Variants in FKBP9 observed in about 807,000 individuals in gnomAD.
The protein encoded by FKBP9 is FKBP prolyl isomerase 9.
FKBP9 carries 27 observed loss-of-function variants against 55.6 expected under a neutral mutation model. The observed-to-expected ratio is 0.49, with a 90% CI of 0.36 to 0.67. The LOEUF (loss-of-function observed/expected upper bound fraction) is 0.67, where lower values mean the gene tolerates loss of function less well. FKBP9 is among the 30% of genes least tolerant of loss of function. The probability of loss-of-function intolerance (pLI) is 0.00; values close to 1 mark genes in which losing one functional copy is unlikely to be tolerated. For synonymous variants in FKBP9, 267 were observed against 296.5 expected, an observed-to-expected ratio of 0.90 and a Z score of 1.02; for missense variants, 539 against 742.8, an observed-to-expected ratio of 0.73 and a Z score of 3.19.
chr7:32,988,550 T>C lies in FKBP9; in HGVS notation c.937T>C (p.Tyr313His). 6.2e-7 allele frequency: 1 copy of C among 1,613,922 alleles called. No individual in the cohort carries two copies. The highest frequency in any genetic ancestry group is 1.7e-4 in the Middle Eastern group (1 of 6,056). ...RTFDTYIGQGYVIPGMDEGLL... is the reference protein window; with the variant it reads ...RTFDTYIGQGHVIPGMDEGLL... ...GTTTGACACGTACATTGGGCAGGGC[T>C]ACGTGATTCCTGGGATGGATGAAGG... The change falls in exon 6 of 10, where the codon TAC (tyrosine) becomes CAC (histidine). Residue 313 changes from tyrosine (Y) to histidine (H), a missense_variant. Tyr to His is a moderately conservative substitution (Grantham distance 83). Transcript: ENST00000242209.
rs1471731988 is a variant in FKBP9, at chr7:32,957,525, T to G, written c.-49T>G. The G allele has an allele frequency of 7.5e-7, 1 of 1,329,274 alleles. No homozygotes were observed. Among genetic ancestry groups the G allele is most frequent in the East Asian group, 3.1e-5 (1 of 31,882 alleles). 82.3% of individuals were successfully genotyped at this position (1,329,274 alleles called of 1,614,324 possible). A position where few individuals can be genotyped will look rare whatever the true frequency, so the allele number is the denominator to read the frequency against. On this transcript the variant is annotated 5_prime_UTR_variant, in exon 1 of 10. Coordinates refer to ENST00000242209, the MANE Select transcript of FKBP9 (RefSeq NM_007270.5). The stretch of plus-strand genomic sequence containing the variant: ...GCAGCCGAACGCCCAGGCCGACCCG[T>G]GCCGCCCGAGCGCCGCGCTGCGTCC...
chr7:32,976,435 G>A lies in FKBP9; in HGVS notation c.639G>A (p.Met213Ile). 8 of 1,613,894 alleles carry A rather than the reference G, an allele frequency of 5.0e-6. No homozygotes were observed. The highest frequency in any genetic ancestry group is 6.8e-6 in the Non-Finnish European group (8 of 1,179,842). Reference protein sequence around the residue: ...IPGMDKGLLGMCVGEKRIITI... With the variant: ...IPGMDKGLLGICVGEKRIITI... ...GAATGGATAAAGGGCTGCTGGGGAT[G>A]TGTGTGGGTGAGAAGCGCATCATCA... is the stretch of plus-strand genomic sequence containing the variant. The change falls in exon 4 of 10, where the codon ATG becomes ATA. Residue 213 changes from methionine (M) to isoleucine (I), a missense_variant. Coordinates refer to ENST00000242209, the MANE Select transcript of FKBP9 (RefSeq NM_007270.5).
rs1373247617 is a variant in FKBP9, at chr7:33,006,722, T to A, written c.*1371T>A. ...ATTCCTGCATCATGGAATAACCACA[T>A]GGCTACCTTCTATCCTCTGTTCCCA... On this transcript the variant is annotated 3_prime_UTR_variant, in exon 10 of 10. Coordinates refer to ENST00000242209, the MANE Select transcript of FKBP9 (RefSeq NM_007270.5). 1 of 213,406 alleles carries A rather than the reference T, an allele frequency of 4.7e-6. No individual in the cohort carries two copies. The highest frequency in any genetic ancestry group is 6.9e-5 in the East Asian group (1 of 14,490). The allele number at this position is 213,406 out of a possible 1,614,324, so 13.2% of individuals were successfully genotyped here.
chr7:32,982,615 A>G (rs1013424471), intron 5 of FKBP9, among the ~76,000 whole-genome samples: 7 of 152,018 alleles, frequency 4.6e-5, no homozygotes, highest in Non-Finnish European at 7.4e-5. Context: ...CATTTAGTGC[A>G]TATGTGTATT....
chr7:32,976,330 T>C (rs768312933), intron 3 of FKBP9, 24 bp from the exon 4 acceptor site: 10 of 1,613,950 alleles, frequency 6.2e-6, no homozygotes, highest in Non-Finnish European at 8.5e-6. Flanking sequence ...TGTGGAACTT[T>C]TTCCCTTTCT....
chr7:32,957,664 G>A lies in FKBP9; in HGVS notation c.91G>A (p.Gly31Ser). ...GCAGGCAGCGCCCGTGGCGGGCCTG[G>A]GCTCCGACGCGGAGCTGCAGATCGA... ...TGQAAPVAGL[G>S]SDAELQIERR... The change falls in exon 1 of 10, where the codon GGC (glycine) becomes AGC (serine). Residue 31 changes from glycine to serine, a missense_variant. Around this residue, in one of 4 missense-constraint regions of FKBP9, gnomAD observed 236 missense variants for 271.5 expected, o/e 0.87. Transcript: ENST00000242209. 6.6e-7 allele frequency: 1 copy of A among 1,509,856 alleles called. No individual in the cohort carries two copies. The highest frequency in any genetic ancestry group is 1.2e-5 in the South Asian group (1 of 81,394). 93.5% of individuals were successfully genotyped at this position (1,509,856 alleles called of 1,614,324 possible).
chr7:32,976,009 G>A (rs948908773), intron 3 of FKBP9, among the ~76,000 whole-genome samples: 2 of 152,148 alleles, frequency 1.3e-5, no homozygotes, highest in African/African-American at 2.4e-5. Context: ...GTTTTCCCAT[G>A]GAAGCAAGAG....
At chr7:32,999,005 T>C (rs1055380126) in intron 7 of FKBP9, among the ~76,000 whole-genome samples, 6 of 152,210 alleles carry the variant, frequency 3.9e-5, no homozygotes, top group Admixed American at 6.5e-5. Flanking sequence ...CCTGGATGAC[T>C]GAGTTCTGGA....
At chr7:32,982,984 A>G (rs867747191) in intron 5 of FKBP9, among the ~76,000 whole-genome samples, 29 of 142,208 alleles carry the variant, frequency 2.0e-4, no homozygotes, top group African/African-American at 2.6e-4. Flanking sequence ...GTCAAAGGTT[A>G]TGTGTGTGTG....
At position 32,988,605 on chromosome 7, in the gene FKBP9, G is replaced by T. The variant is rs770278279; in HGVS notation, c.992G>T (p.Arg331Leu). The T allele has an allele frequency of 6.2e-7, 1 of 1,613,878 alleles. No homozygotes were observed. The highest frequency in any genetic ancestry group is 8.5e-7 in the Non-Finnish European group (1 of 1,179,884). ...CTTGGTGTTTGCATTGGAGAAAAGC[G>T]AAGGATTGTGGTCCCGCCTCACCTG... ...GLLGVCIGEK[R>L]RIVVPPHLGY... is the part of the protein sequence containing the mutation. Residue 331 changes from arginine (R) to leucine (L), a missense_variant, in exon 6 of 10, where the codon CGA (arginine) becomes CTA (leucine). Physicochemically the swap from Arg to Leu is moderately radical, Grantham distance 102. Coordinates refer to ENST00000242209, the MANE Select transcript of FKBP9 (RefSeq NM_007270.5).
intron 5 of FKBP9, among the ~76,000 whole-genome samples, chr7:32,986,452 C>T (rs993757410): frequency 6.6e-6 from 1 of 152,218 alleles, no homozygotes; most frequent in African/African-American, 2.4e-5. Flanking sequence ...AGGGTGAGCC[C>T]TGCTCTGGCT....
chr7:32,976,273 G>A (rs1396576797), intron 3 of FKBP9, 81 bp from the exon 4 acceptor site: 3 of 1,546,128 alleles, frequency 1.9e-6, no homozygotes, highest in Non-Finnish European at 2.7e-6. Flanking sequence ...GCTGATATTT[G>A]GGTAAGAAAA....
At chr7:32,978,481 C>A (rs1182643610) in intron 4 of FKBP9, among the ~76,000 whole-genome samples, 2 of 152,086 alleles carry the variant, frequency 1.3e-5, no homozygotes, top group Non-Finnish European at 2.9e-5. Flanking sequence ...CCTCAGCCTT[C>A]CGAATAGTTA....
At chr7:32,966,886 G>A (rs1467885323) in intron 1 of FKBP9, among the ~76,000 whole-genome samples, 8 of 152,132 alleles carry the variant, frequency 5.3e-5, no homozygotes, top group East Asian at 1.9e-4. Context: ...AGGGGATGGC[G>A]CTAAGCCCTC....
rs1052896506 is a variant in FKBP9 at position 33,006,116 on chromosome 7, G to A, written c.*765G>A. ...CTTTTTTTTTTTTTTTTTTTTTCTGGAGGCAGAGTCTCCCTTTGTCGCCAG... is the reference window on the plus strand; with the variant it reads ...CTTTTTTTTTTTTTTTTTTTTTCTGAAGGCAGAGTCTCCCTTTGTCGCCAG... On this transcript the variant is annotated 3_prime_UTR_variant, in exon 10 of 10. Coordinates refer to ENST00000242209, the MANE Select transcript of FKBP9 (RefSeq NM_007270.5). 2.5e-5 allele frequency: 4 copies of A among 157,934 alleles called. No individual in the cohort carries two copies. Among genetic ancestry groups the A allele is most frequent in the Non-Finnish European group, 4.8e-5 (4 of 84,204 alleles). The allele number at this position is 157,934 out of a possible 1,614,324, so 9.8% of individuals were successfully genotyped here. A position where few individuals can be genotyped will look rare whatever the true frequency, so the allele number is the denominator to read the frequency against.
intron 9 of FKBP9, 37 bp downstream of exon 9, chr7:33,002,876 G>C: frequency 6.2e-7 from 1 of 1,600,434 alleles, no homozygotes; most frequent in Non-Finnish European, 8.5e-7. Context: ...TGGGACCGAA[G>C]AGCTCAGGGA....
chr7:32,977,427 C>G (rs1784380762), intron 4 of FKBP9, among the ~76,000 whole-genome samples: 1 of 152,188 alleles, frequency 6.6e-6, no homozygotes, highest in Non-Finnish European at 1.5e-5. Context: ...TAACCTGTTT[C>G]CTCTAGGCTG....
chr7:32,957,599 C>A lies in FKBP9; in HGVS notation c.26C>A (p.Pro9Gln), dbSNP rs1783924907. ...ATGGCGTTCCGGGGCTGGAGGCCCC[C>A]GCCGCCACCGCTGCTCCTGCTGCTG... MAFRGWRPPPPPLLLLLLW... is the reference protein window; with the variant it reads MAFRGWRPQPPPLLLLLLW... Residue 9 changes from proline (P) to glutamine (Q), a missense_variant, in exon 1 of 10, where the codon CCG becomes CAG. Transcript: ENST00000242209. 2 of 1,474,980 alleles carry A rather than the reference C, an allele frequency of 1.4e-6. No individual in the cohort carries two copies. The highest frequency in any genetic ancestry group is 8.9e-7 in the Non-Finnish European group (1 of 1,122,032). 91.4% of individuals were successfully genotyped at this position (1,474,980 alleles called of 1,614,324 possible). A position where few individuals can be genotyped will look rare whatever the true frequency, so the allele number is the denominator to read the frequency against.
rs150520132 is a variant in FKBP9, at chr7:32,994,298, A to G, written c.1040-1865A>G. 6.3e-3 allele frequency among the ~76,000 whole-genome samples: 962 copies of G among 152,224 alleles called. 14 individuals carry two copies. The highest frequency in any genetic ancestry group is 0.022 in the African/African-American group (926 of 41,524). ...AACAGGTAGTCTATTTCTTGTCTGTATGGATTTGCTTATGCTGGATGTTTC... is the reference window on the plus strand; with the variant it reads ...AACAGGTAGTCTATTTCTTGTCTGTGTGGATTTGCTTATGCTGGATGTTTC... On this transcript the variant is annotated intron_variant, in intron 6 of 9. Transcript: ENST00000242209.
Sources: gnomAD v4.1 joint callset for allele counts (sites outside exome capture counted in the v4.1 genomes callset) on GRCh38, gnomAD v4.1.1 for gene constraint, gnomAD v4.1.1 regional missense constraint, MANE v1.5 for transcripts, NCBI Gene and HGNC (gene_info 2026-07-23, HGNC 2026-07-21) for gene names.